Variants in ST18 observed in about 807,000 individuals in gnomAD.
ST18 encodes ST18 C2H2C-type zinc finger transcription factor, also known as suppression of tumorigenicity 18 protein.
A neutral mutation model predicts 110.0 loss-of-function variants in ST18; 50 were observed. That is an observed-to-expected ratio of 0.45 (90% confidence interval 0.36 to 0.58). The LOEUF (loss-of-function observed/expected upper bound fraction) is 0.58, where lower values mean the gene tolerates loss of function less well. Ranked by LOEUF, ST18 falls within the 20% of genes least tolerant of loss-of-function variation. ST18 has a pLI of 0.00. For missense variants in ST18, 1,306 were observed against 1,280.1 expected, an observed-to-expected ratio of 1.02 and a Z score of -0.31; for synonymous variants, 461 against 452.4, an observed-to-expected ratio of 1.02 and a Z score of -0.24.
At chr8:52,188,038 TA>T (rs1278824508) in intron 8 of ST18, among the ~76,000 whole-genome samples, 2 of 152,200 alleles carry the variant, frequency 1.3e-5, no homozygotes, top group Non-Finnish European at 2.9e-5. Context: ...AATAAATACG[TA>T]ATAAGTGCTA....
At chr8:52,179,820 C>T (rs1376206520) in intron 9 of ST18, among the ~76,000 whole-genome samples, 1 of 152,090 alleles carries the variant, frequency 6.6e-6, no homozygotes, top group Admixed American at 6.5e-5. Context: ...AAAAAGTACT[C>T]TTCAACTCTA....
At chr8:52,182,812 A>C (rs2070352723) in intron 8 of ST18, among the ~76,000 whole-genome samples, 1 of 152,180 alleles carries the variant, frequency 6.6e-6, no homozygotes, top group South Asian at 2.1e-4. Context: ...AAGGAGGAGA[A>C]GGAGAAAGAG....
intron 2 of ST18, among the ~76,000 whole-genome samples, chr8:52,365,699 G>A (rs1827616279): frequency 6.6e-6 from 1 of 151,506 alleles, no homozygotes; most frequent in African/African-American, 2.4e-5. Context: ...TTGGGTTTGG[G>A]GGGTGGGGGG....
intron 2 of ST18, among the ~76,000 whole-genome samples, chr8:52,371,706 C>T (rs550667566): frequency 2.6e-4 from 40 of 152,234 alleles, no homozygotes; most frequent in African/African-American, 9.1e-4. Context: ...TTCCAGTCAA[C>T]GACAGACTGC....
intron 2 of ST18, among the ~76,000 whole-genome samples, chr8:52,241,757 T>A (rs1402889816): frequency 6.6e-6 from 1 of 152,224 alleles, no homozygotes; most frequent in Non-Finnish European, 1.5e-5. Flanking sequence ...CTTTAGTACA[T>A]GAAAAATACA....
In ST18 at chr8:52,163,971, G is replaced by A. The variant is rs553920401; in HGVS notation, c.1400+15C>T. The A allele has an allele frequency of 3.7e-6, 6 of 1,600,126 alleles. No individual in the cohort carries two copies. In the African/African-American group the frequency reaches 4.0e-5, roughly 11 times the overall value. On this transcript the variant is annotated intron_variant, in intron 13 of 25. Transcript: ENST00000689386. ...GGATGAAGAGAGCACTGAGAACATC[G>A]TTAGGGGTTCATACCTGTGGGCCTG...
Position 52,149,956 on chromosome 8 carries a change from C to T in ST18, c.1828G>A (p.Glu610Lys). 6.2e-7 allele frequency: 1 copy of T among 1,613,962 alleles called. No homozygotes were observed. The highest frequency in any genetic ancestry group is 8.5e-7 in the Non-Finnish European group (1 of 1,179,966). Reference sequence around the variant, plus strand: ...ATGCTTAAGTCCAATGTGCCATTTTCATCCACTTCTATTTCGGCTCCCTGG... The same window carrying T: ...ATGCTTAAGTCCAATGTGCCATTTTTATCCACTTCTATTTCGGCTCCCTGG... ...HAKGAEIEVD[E>K]NGTLDLSMKK... is the part of the protein sequence containing the mutation. Residue 610 changes from glutamate to lysine, a missense_variant, in exon 16 of 26, where the codon GAA becomes AAA. By Grantham distance (56) the Glu-to-Lys change is moderately conservative. Coordinates refer to ENST00000689386, the MANE Select transcript of ST18 (RefSeq NM_001352837.2).
In ST18 at chr8:52,357,908, T is replaced by C. The variant is rs376240039; in HGVS notation, c.-465+51420A>G. Among the ~76,000 whole-genome samples, 28 of 151,002 alleles carry C rather than the reference T, an allele frequency of 1.9e-4. 1 individual carries two copies. In the East Asian group the frequency reaches 2.7e-3, roughly 15 times the overall value. The stretch of plus-strand genomic sequence containing the variant: ...TCACAGCTACAGAATACACATTTTC[T>C]CAAGCACACATAGATTATTCTCTAA... On this transcript the variant is annotated intron_variant, in intron 2 of 25. Transcript: ENST00000689386.
intron 8 of ST18, 146 bp from the exon 9 acceptor site, chr8:52,180,458 C>A: frequency 1.3e-6 from 1 of 768,866 alleles, no homozygotes; most frequent in African/African-American, 1.7e-5. Flanking sequence ...AAAAACATCC[C>A]ATCTGTGGAC....
At chr8:52,228,458 T>C (rs2090256801) in intron 3 of ST18, among the ~76,000 whole-genome samples, 1 of 152,216 alleles carries the variant, frequency 6.6e-6, no homozygotes, top group Admixed American at 6.5e-5. Flanking sequence ...TTAAGCAACG[T>C]GTGTTCATAT....
chr8:52,211,449 C>T (rs1357003663), intron 8 of ST18, among the ~76,000 whole-genome samples: 1 of 150,524 alleles, frequency 6.6e-6, no homozygotes, highest in African/African-American at 2.4e-5. Flanking sequence ...CTCTGTCACC[C>T]AGGCTGGAGT....
intron 2 of ST18, among the ~76,000 whole-genome samples, chr8:52,302,847 A>G (rs1311461412): frequency 6.6e-6 from 1 of 150,642 alleles, no homozygotes; most frequent in Non-Finnish European, 1.5e-5. Flanking sequence ...GTAGAATACC[A>G]AAAAATACAT....
At chr8:52,380,108 T>C (rs1833956730) in intron 2 of ST18, among the ~76,000 whole-genome samples, 2 of 152,056 alleles carry the variant, frequency 1.3e-5, no homozygotes, top group South Asian at 2.1e-4. Flanking sequence ...CTGGAAGAGC[T>C]CCCAGGAAGC....
At chr8:52,387,077 TCCTTC>T (rs2140922891) in intron 2 of ST18, among the ~76,000 whole-genome samples, 1 of 152,210 alleles carries the variant, frequency 6.6e-6, no homozygotes, top group African/African-American at 2.4e-5. Flanking sequence ...ATTTCTTCCT[TCCTTC>T]CTTTCCTTTC....
chr8:52,361,887 T>G (rs982280224), intron 2 of ST18, among the ~76,000 whole-genome samples: 1 of 150,970 alleles, frequency 6.6e-6, no homozygotes, highest in African/African-American at 2.5e-5. Flanking sequence ...TCAAAGCGTT[T>G]GTTGATTTCA....
At position 52,298,209 on chromosome 8, in the gene ST18, T is replaced by C. The variant is rs554494205; in HGVS notation, c.-464-68132A>G. Among the ~76,000 whole-genome samples, 5 of 152,270 alleles carry C rather than the reference T, an allele frequency of 3.3e-5. No homozygotes were observed. The South Asian group carries it at 1.0e-3, about 32-fold the overall frequency. On this transcript the variant is annotated intron_variant, in intron 2 of 25. Coordinates refer to ENST00000689386, the MANE Select transcript of ST18 (RefSeq NM_001352837.2). ...GCTGCACATATTTCACTGGCCAGAG[T>C]GCAGTTATTGGCTCAAAATTAATGC...
chr8:52,191,324 A>C (rs949752009), intron 8 of ST18, among the ~76,000 whole-genome samples: 3 of 152,230 alleles, frequency 2.0e-5, no homozygotes, highest in Admixed American at 1.3e-4. Flanking sequence ...GCCCTAGTAG[A>C]GACAAAATCC....
At chr8:52,314,497 C>T (rs2095985967) in intron 2 of ST18, among the ~76,000 whole-genome samples, 1 of 152,220 alleles carries the variant, frequency 6.6e-6, no homozygotes. Flanking sequence ...TTGCCTTAAA[C>T]TCTGCTTAAC....
rs147174751 is a variant in ST18 at position 52,159,368 on chromosome 8, C to T, written c.1595-259G>A. On this transcript the variant is annotated intron_variant, in intron 14 of 25. Transcript: ENST00000689386. Reference sequence around the variant, plus strand: ...GTATTTACGCTTCTTATGACAAAAACTCCATAACTAATGTTATGGGGCAGG... The same window carrying T: ...GTATTTACGCTTCTTATGACAAAAATTCCATAACTAATGTTATGGGGCAGG... Among the ~76,000 whole-genome samples the T allele has an allele frequency of 3.7e-3, 569 of 152,194 alleles. 5 individuals are homozygous for T. The highest frequency in any genetic ancestry group is 0.013 in the African/African-American group (548 of 41,512).
Sources: gnomAD v4.1 joint callset for allele counts (sites outside exome capture counted in the v4.1 genomes callset) on GRCh38, gnomAD v4.1.1 for gene constraint, MANE v1.5 for transcripts, NCBI Gene and HGNC (gene_info 2026-07-23, HGNC 2026-07-21) for gene names.